The following PLCZ1 variants were observed in gnomAD, a reference collection of about 807,000 sequenced individuals.
PLCZ1 encodes the protein 1-phosphatidylinositol 4,5-bisphosphate phosphodiesterase zeta-1.
Under a neutral mutation model 76.8 loss-of-function variants are expected in PLCZ1, and 64 were observed. The observed-to-expected ratio is 0.83, with a 90% CI of 0.68 to 1.03. The LOEUF is 1.03. Ranked by LOEUF, PLCZ1 falls within the 50% of genes least tolerant of loss-of-function variation. The pLI, the probability that PLCZ1 is intolerant of heterozygous loss-of-function variation, is 0.00. For missense variants in PLCZ1, 751 were observed against 713.7 expected, an observed-to-expected ratio of 1.05 and a Z score of -0.60; for synonymous variants, 248 against 230.8, an observed-to-expected ratio of 1.07 and a Z score of -0.68.
chr12:18,680,252 A>C (rs1409267868), downstream of PLCZ1, among the ~76,000 whole-genome samples: 1 of 152,024 alleles, frequency 6.6e-6, no homozygotes, highest in Non-Finnish European at 1.5e-5. Flanking sequence ...TGCACTAACC[A>C]ACAGCACAAG....
At chr12:18,678,238 A>G (rs1313552321), downstream of PLCZ1, among the ~76,000 whole-genome samples, 3 of 152,088 alleles carry the variant, frequency 2.0e-5, no homozygotes, top group African/African-American at 7.2e-5. Flanking sequence ...ACATTGTCAC[A>G]TCTGAGCCAA....
At chr12:18,711,514 C>A (rs1387328246) in intron 6 of PLCZ1, among the ~76,000 whole-genome samples, 1 of 137,230 alleles carries the variant, frequency 7.3e-6, no homozygotes, top group Non-Finnish European at 1.6e-5. Flanking sequence ...TGCACATGTA[C>A]CCTAAAACTT....
At chr12:18,683,370 G>A in intron 14 of PLCZ1, 46 bp from the exon 15 acceptor site, 2 of 1,574,936 alleles carry the variant, frequency 1.3e-6, no homozygotes, top group South Asian at 1.1e-5. Flanking sequence ...CAATTAATCA[G>A]TGGTGTCTCC....
the PLCZ1 span, among the ~76,000 whole-genome samples, chr12:18,666,033 C>G: frequency 6.6e-6 from 1 of 150,876 alleles, no homozygotes; most frequent in East Asian, 2.0e-4. Flanking sequence ...TTAATTTAAA[C>G]TAGATTATTA....
chr12:18,695,901 G>C (rs1954908180), intron 11 of PLCZ1, among the ~76,000 whole-genome samples: 1 of 151,784 alleles, frequency 6.6e-6, no homozygotes, highest in East Asian at 1.9e-4. Flanking sequence ...CACTACACAT[G>C]TCTCATATTA....
At chr12:18,713,072 G>C (rs997244240) in intron 5 of PLCZ1, 86 bp from the exon 6 acceptor site, 1 of 1,526,026 alleles carries the variant, frequency 6.6e-7, no homozygotes, top group Admixed American at 1.8e-5. Context: ...AAGACCATTT[G>C]ATTTTATAAT....
intron 12 of PLCZ1, chr12:18,693,261 G>A: frequency 2.0e-6 from 3 of 1,533,072 alleles, no homozygotes; most frequent in Non-Finnish European, 2.7e-6. Flanking sequence ...CATGATAGGG[G>A]TGCTGATGGA....
chr12:18,659,663 C>CTTTTTTTTTTTTTTTT, the PLCZ1 span, among the ~76,000 whole-genome samples: 1 of 133,824 alleles, frequency 7.5e-6, no homozygotes, highest in Non-Finnish European at 1.6e-5. Context: ...GTTCTCCATT[C>CTTTTTTTTTTTTTTTT]TTTTTTTTTT....
chr12:18,730,949 T>A (rs1405567778), intron 3 of PLCZ1: 2 of 152,202 alleles, frequency 1.3e-5, no homozygotes, highest in Non-Finnish European at 2.9e-5. Flanking sequence ...AAACTTGTGT[T>A]CTTTGAATGT....
At chr12:18,720,140 C>G (rs1343409454) in intron 4 of PLCZ1, among the ~76,000 whole-genome samples, 1 of 152,040 alleles carries the variant, frequency 6.6e-6, no homozygotes, top group Non-Finnish European at 1.5e-5. Flanking sequence ...TTCTTTTACT[C>G]AACATTCTAT....
chr12:18,706,385 T>C (rs547215686), intron 6 of PLCZ1, among the ~76,000 whole-genome samples: 15 of 152,264 alleles, frequency 9.9e-5, no homozygotes, highest in Admixed American at 9.2e-4. Context: ...TTTTAAAAAG[T>C]GAAACAAAAA....
intron 3 of PLCZ1, among the ~76,000 whole-genome samples, chr12:18,732,950 T>A (rs1381963755): frequency 1.3e-5 from 2 of 152,202 alleles, no homozygotes; most frequent in African/African-American, 4.8e-5. Flanking sequence ...ATCTCTTGAT[T>A]TCAATTCCTT....
intron 12 of PLCZ1, chr12:18,693,491 G>A: frequency 1.9e-6 from 3 of 1,609,642 alleles, no homozygotes; most frequent in Non-Finnish European, 2.5e-6. Context: ...AGCCAAAGCA[G>A]TAGCAAACCA....
rs3825081 is a variant in PLCZ1, at chr12:18,696,137, G to T, written c.1291+13C>A. The T allele has an allele frequency of 4.0e-6, 5 of 1,261,248 alleles. No individual in the cohort carries two copies. Among genetic ancestry groups the T allele is most frequent in the African/African-American group, 1.5e-5 (1 of 66,116 alleles). 78.1% of individuals were successfully genotyped at this position (1,261,248 alleles called of 1,614,324 possible). A position where few individuals can be genotyped will look rare whatever the true frequency, so the allele number is the denominator to read the frequency against. Reference sequence around the variant, plus strand: ...TTACTTCTGCAAACAACTCAATATCGTATATAACATACCCATTTGACAACC... The same window carrying T: ...TTACTTCTGCAAACAACTCAATATCTTATATAACATACCCATTTGACAACC... On this transcript the variant is annotated intron_variant, in intron 11 of 14. Coordinates refer to ENST00000266505, the MANE Select transcript of PLCZ1 (RefSeq NM_033123.4).
chr12:18,736,930 AGT>A (rs1426133757), intron 2 of PLCZ1, among the ~76,000 whole-genome samples: 3 of 150,670 alleles, frequency 2.0e-5, no homozygotes, highest in Non-Finnish European at 4.4e-5. Context: ...TACCATGGTG[AGT>A]GTATATTTGG....
intron 10 of PLCZ1, among the ~76,000 whole-genome samples, chr12:18,696,990 G>A (rs555164875): frequency 1.3e-5 from 2 of 152,224 alleles, no homozygotes; most frequent in African/African-American, 4.8e-5. Context: ...TATTCTTTGT[G>A]TTTCTTCTTG....
At chr12:18,730,288 G>A (rs1958970919) in intron 3 of PLCZ1, among the ~76,000 whole-genome samples, 2 of 152,080 alleles carry the variant, frequency 1.3e-5, no homozygotes, top group Non-Finnish European at 2.9e-5. Context: ...GAATGTGTAA[G>A]CAGCTTAATC....
chr12:18,659,389 T>C, the PLCZ1 span, among the ~76,000 whole-genome samples: 4 of 152,246 alleles, frequency 2.6e-5, no homozygotes, highest in South Asian at 2.1e-4. Context: ...GTTCCCTAAA[T>C]CACTTGGGAT....
downstream of PLCZ1, among the ~76,000 whole-genome samples, chr12:18,679,332 C>T (rs1042456032): frequency 6.6e-6 from 1 of 151,956 alleles, no homozygotes; most frequent in East Asian, 1.9e-4. Flanking sequence ...TTATTTTATG[C>T]CTCATGCATT....
Sources: allele counts gnomAD v4.1 joint callset (sites outside exome capture counted in the v4.1 genomes callset), GRCh38; gene constraint gnomAD v4.1.1; transcripts MANE v1.5; gene names NCBI Gene and HGNC (gene_info 2026-07-23, HGNC 2026-07-21).